The following AFG1L variants were observed in gnomAD, a reference collection of about 807,000 sequenced individuals.
AFG1L encodes AFG1-like ATPase.
AFG1L carries 53 observed loss-of-function variants against 62.2 expected under a neutral mutation model. The ratio of observed to expected loss-of-function variants is 0.85; its 90% CI spans 0.68 to 1.07. The LOEUF is 1.07. Among genes scored for constraint, AFG1L ranks in the 50% least tolerant of loss-of-function variants. The probability of loss-of-function intolerance (pLI) is 0.00; values close to 1 mark genes in which losing one functional copy is unlikely to be tolerated. For synonymous variants in AFG1L, 228 were observed against 210.3 expected (o/e 1.08, Z -0.73); for missense variants, 555 against 590.5 (o/e 0.94, Z 0.62).
At chr6:108,445,271 G>C (rs1434238306) in intron 7 of AFG1L, among the ~76,000 whole-genome samples, 1 of 152,212 alleles carries the variant, frequency 6.6e-6, no homozygotes, top group African/African-American at 2.4e-5. Context: ...TTTGGCTTAA[G>C]AGAATGTTGT....
At chr6:108,418,554 A>T (rs948336571) in intron 7 of AFG1L, among the ~76,000 whole-genome samples, 1 of 152,162 alleles carries the variant, frequency 6.6e-6, no homozygotes, top group African/African-American at 2.4e-5. Context: ...TAGATTTATT[A>T]GTAGGTCTTG....
At chr6:108,448,205 A>G (rs1771894849) in intron 8 of AFG1L, among the ~76,000 whole-genome samples, 1 of 152,174 alleles carries the variant, frequency 6.6e-6, no homozygotes, top group Non-Finnish European at 1.5e-5. Context: ...GATCCTGATG[A>G]TTATTATAGG....
intron 6 of AFG1L, among the ~76,000 whole-genome samples, chr6:108,373,410 G>A (rs1358507337): frequency 6.6e-6 from 1 of 152,074 alleles, no homozygotes; most frequent in Non-Finnish European, 1.5e-5. Context: ...TGGTGTATAT[G>A]TACCACATTT....
At chr6:108,312,442 G>A (rs1336818884) in intron 1 of AFG1L, among the ~76,000 whole-genome samples, 3 of 152,174 alleles carry the variant, frequency 2.0e-5, no homozygotes, top group African/African-American at 7.2e-5. Context: ...AGCTACTGGG[G>A]AGACTGAGTT....
At chr6:108,521,725 A>T (rs1479376491) in intron 12 of AFG1L, 1 of 152,418 alleles carries the variant, frequency 6.6e-6, no homozygotes, top group African/African-American at 2.4e-5. Context: ...TGGTATCACC[A>T]GTCTGGGGTT....
chr6:108,325,983 G>A (rs1434002269), intron 2 of AFG1L, among the ~76,000 whole-genome samples: 1 of 151,874 alleles, frequency 6.6e-6, no homozygotes, highest in East Asian at 1.9e-4. Context: ...TGCCATACTG[G>A]CCGGGCTTGT....
In AFG1L at chr6:108,525,660, T is replaced by C. The variant is rs2114929802; in HGVS notation, c.*3235T>C. On this transcript the variant is annotated 3_prime_UTR_variant, in exon 13 of 13. Coordinates refer to ENST00000368977, the MANE Select transcript of AFG1L (RefSeq NM_145315.5). ...AACTCTTTTGATCCATATAACAGTC[T>C]TATGAGATAGGTGCCATTATAATCA... 1 of 152,378 alleles carries C rather than the reference T, an allele frequency of 6.6e-6. No individual in the cohort carries two copies. Among genetic ancestry groups the C allele is most frequent in the South Asian group, 2.1e-4 (1 of 4,832 alleles). The allele number at this position is 152,378 out of a possible 1,614,324, so 9.4% of individuals were successfully genotyped here. A position where few individuals can be genotyped will look rare whatever the true frequency, so the allele number is the denominator to read the frequency against.
At chr6:108,476,080 A>G (rs534237606) in intron 8 of AFG1L, among the ~76,000 whole-genome samples, 11 of 152,120 alleles carry the variant, frequency 7.2e-5, no homozygotes, top group Non-Finnish European at 1.6e-4. Context: ...TTCTTCTGCC[A>G]GTTATTTTAT....
intron 7 of AFG1L, among the ~76,000 whole-genome samples, chr6:108,442,038 A>G (rs1016149471): frequency 6.6e-6 from 1 of 152,154 alleles, no homozygotes; most frequent in East Asian, 1.9e-4. Context: ...CCTGGCAAAT[A>G]TATTTATATG....
chr6:108,471,805 G>T (rs554427538), intron 8 of AFG1L, among the ~76,000 whole-genome samples: 34 of 152,054 alleles, frequency 2.2e-4, no homozygotes, highest in African/African-American at 8.2e-4. Flanking sequence ...TATAATTATG[G>T]GACCATGTTT....
chr6:108,322,383 G>A (rs755408137), intron 1 of AFG1L, among the ~76,000 whole-genome samples: 1 of 152,158 alleles, frequency 6.6e-6, no homozygotes, highest in Non-Finnish European at 1.5e-5. Flanking sequence ...ACTCCAGTTA[G>A]AGAGAAGGGA....
chr6:108,415,436 G>A (rs1403563462), intron 7 of AFG1L, among the ~76,000 whole-genome samples: 1 of 152,076 alleles, frequency 6.6e-6, no homozygotes, highest in Non-Finnish European at 1.5e-5. Flanking sequence ...AAGTTCATAT[G>A]GAATCAAAAA....
chr6:108,313,135 G>A (rs896046301), intron 1 of AFG1L, among the ~76,000 whole-genome samples: 7 of 152,150 alleles, frequency 4.6e-5, no homozygotes, highest in Admixed American at 1.3e-4. Context: ...GGAGAACAAC[G>A]TTATCATGAT....
chr6:108,454,052 C>T (rs551377379), intron 8 of AFG1L, among the ~76,000 whole-genome samples: 2 of 152,298 alleles, frequency 1.3e-5, no homozygotes, highest in East Asian at 3.9e-4. Flanking sequence ...GCAGTATGCA[C>T]ACCCCATTGA....
In AFG1L at chr6:108,523,681, A is replaced by G. The variant is rs887685943; in HGVS notation, c.*1256A>G. 1 of 151,960 alleles carries G rather than the reference A, an allele frequency of 6.6e-6. No individual in the cohort carries two copies. The highest frequency in any genetic ancestry group is 2.4e-5 in the African/African-American group (1 of 41,388). The allele number at this position is 151,960 out of a possible 1,614,324, so 9.4% of individuals were successfully genotyped here. On this transcript the variant is annotated 3_prime_UTR_variant, in exon 13 of 13. Transcript: ENST00000368977. Reference sequence around the variant, plus strand: ...TTGGCCACTCTAGCCATCTCCTGGCAGGGGTAGTGTGGCACAGCATGGCCC... The same window carrying G: ...TTGGCCACTCTAGCCATCTCCTGGCGGGGGTAGTGTGGCACAGCATGGCCC...
chr6:108,337,722 T>C (rs1406592868), intron 2 of AFG1L, among the ~76,000 whole-genome samples: 1 of 152,186 alleles, frequency 6.6e-6, no homozygotes, highest in African/African-American at 2.4e-5. Flanking sequence ...ATTGGACATA[T>C]ATCATATATT....
chr6:108,494,239 A>T (rs1386467062), intron 10 of AFG1L, among the ~76,000 whole-genome samples: 4 of 151,932 alleles, frequency 2.6e-5, no homozygotes, highest in African/African-American at 9.7e-5. Context: ...CTGATTCGAT[A>T]GACCTGACTT....
At position 108,447,264 on chromosome 6, in the gene AFG1L, G is replaced by A. The variant is rs769357827; in HGVS notation, c.858G>A (p.Arg286=). Reference sequence around the variant, plus strand: ...ATTCTGGGATAGATTACCGGAAAAGGGAACTTCCTGCTGCAGGAAAACTCT... The same window carrying A: ...ATTCTGGGATAGATTACCGGAAAAGAGAACTTCCTGCTGCAGGAAAACTCT... ...QLDSGIDYRK[R]ELPAAGKLYY... is the part of the protein sequence containing the mutation. The change falls in exon 8 of 13, where the codon AGG becomes AGA. Residue 286 remains arginine, a synonymous_variant. Transcript: ENST00000368977. 6 of 1,608,266 alleles carry A rather than the reference G, an allele frequency of 3.7e-6. No individual in the cohort carries two copies. The highest frequency in any genetic ancestry group is 5.1e-6 in the Non-Finnish European group (6 of 1,175,046).
At chr6:108,390,441 G>A (rs1781000779) in intron 6 of AFG1L, among the ~76,000 whole-genome samples, 1 of 152,196 alleles carries the variant, frequency 6.6e-6, no homozygotes, top group Non-Finnish European at 1.5e-5. Flanking sequence ...GGGGAGAGGT[G>A]CTCTGATTTT....
Sources: allele counts gnomAD v4.1 joint callset (sites outside exome capture counted in the v4.1 genomes callset), GRCh38; gene constraint gnomAD v4.1.1; transcripts MANE v1.5; gene names NCBI Gene and HGNC (gene_info 2026-07-23, HGNC 2026-07-21).